SPATA18: variants seen among roughly 807,000 people sequenced by gnomAD.
SPATA18 encodes mitochondria-eating protein.
Under a neutral mutation model 68.1 loss-of-function variants are expected in SPATA18, and 54 were observed. That is an observed-to-expected ratio of 0.79 (90% CI 0.64 to 0.99). SPATA18 has a LOEUF of 0.99. SPATA18 is among the 50% of genes least tolerant of loss of function. The pLI is 0.00. For missense variants in SPATA18, 724 were observed against 681.1 expected, an observed-to-expected ratio of 1.06 and a Z score of -0.70; for synonymous variants, 242 against 244.8, an observed-to-expected ratio of 0.99 and a Z score of 0.11.
At chr4:52,061,489 AT>A (rs1265774296) in intron 3 of SPATA18, among the ~76,000 whole-genome samples, 3 of 61,804 alleles carry the variant, frequency 4.9e-5, no homozygotes, top group Non-Finnish European at 7.9e-5. Flanking sequence ...TAAAGTAAAA[AT>A]AATAATAATA....
chr4:52,061,038 G>T (rs1231161909), intron 3 of SPATA18, 141 bp downstream of exon 3: 3 of 690,086 alleles, frequency 4.3e-6, no homozygotes, highest in Non-Finnish European at 7.3e-6. Flanking sequence ...GGTTTCCATG[G>T]GACGGTGTTA....
intron 3 of SPATA18, among the ~76,000 whole-genome samples, chr4:52,061,674 C>T (rs1390705259): frequency 6.6e-6 from 1 of 151,876 alleles, no homozygotes; most frequent in African/African-American, 2.4e-5. Context: ...TTCTTATTTG[C>T]TGAATGGAGA....
chr4:52,082,633 G>A (rs1256858167), intron 10 of SPATA18, 123 bp downstream of exon 10: 2 of 1,575,008 alleles, frequency 1.3e-6, no homozygotes, highest in Non-Finnish European at 1.7e-6. Flanking sequence ...TTCATACAAA[G>A]GAGAGGTCGG....
At position 52,094,999 on chromosome 4, in the gene SPATA18, C is replaced by A; in HGVS notation, c.*112C>A. 1 of 1,322,566 alleles carries A rather than the reference C, an allele frequency of 7.6e-7. No homozygotes were observed. Among genetic ancestry groups the A allele is most frequent in the Non-Finnish European group, 1.1e-6 (1 of 916,904 alleles). 81.9% of individuals were successfully genotyped at this position (1,322,566 alleles called of 1,614,324 possible). On this transcript the variant is annotated 3_prime_UTR_variant, in exon 13 of 13. Coordinates refer to ENST00000295213, the MANE Select transcript of SPATA18 (RefSeq NM_145263.4). Reference sequence around the variant, plus strand: ...CCTCACTTAAGATAATGTCAAAAGGCAATTCTGTGTATCACCCCACACAGA... The same window carrying A: ...CCTCACTTAAGATAATGTCAAAAGGAAATTCTGTGTATCACCCCACACAGA...
At position 52,096,619 on chromosome 4, in the gene SPATA18, T is replaced by G. The variant is rs1376060969; in HGVS notation, c.*1732T>G. On this transcript the variant is annotated 3_prime_UTR_variant, in exon 13 of 13. Coordinates refer to ENST00000295213, the MANE Select transcript of SPATA18 (RefSeq NM_145263.4). ...GTATAACCACCCTAGAAGATAAAATTAAGTCATTAGATGGCTGAACCTGCA... is the reference window on the plus strand; with the variant it reads ...GTATAACCACCCTAGAAGATAAAATGAAGTCATTAGATGGCTGAACCTGCA... The G allele has an allele frequency of 4.6e-5, 7 of 152,052 alleles. No homozygotes were observed. Among genetic ancestry groups the G allele is most frequent in the Non-Finnish European group, 1.0e-4 (7 of 68,004 alleles). 9.4% of individuals were successfully genotyped at this position (152,052 alleles called of 1,614,324 possible).
intron 9 of SPATA18, 86 bp downstream of exon 9, chr4:52,080,005 C>A: frequency 7.1e-7 from 1 of 1,413,050 alleles, no homozygotes; most frequent in Non-Finnish European, 9.6e-7. Flanking sequence ...AGGAAAAGAA[C>A]TCTGGGTGGA....
rs1016897215 is a variant in SPATA18, at chr4:52,096,675, A to G, written c.*1788A>G. ...AGCCACCAGCTACAAATGAAAATCA[A>G]TGTGTGTATTGGCAACAGAAAATCA... On this transcript the variant is annotated 3_prime_UTR_variant, in exon 13 of 13. Coordinates refer to ENST00000295213, the MANE Select transcript of SPATA18 (RefSeq NM_145263.4). The G allele has an allele frequency of 3.3e-5, 5 of 152,022 alleles. No homozygotes were observed. The highest frequency in any genetic ancestry group is 7.2e-5 in the African/African-American group (3 of 41,384). The allele number at this position is 152,022 out of a possible 1,614,324, so 9.4% of individuals were successfully genotyped here.
chr4:52,067,045 T>G (rs1304051013), intron 4 of SPATA18, among the ~76,000 whole-genome samples: 1 of 152,198 alleles, frequency 6.6e-6, no homozygotes. Flanking sequence ...TCAAATGGTA[T>G]TTCGGTTCTA....
rs1299856048 is a variant in SPATA18 at position 52,077,033 on chromosome 4, C to T, written c.1013C>T (p.Ala338Val). The change falls in exon 7 of 13, where the codon GCC (alanine) becomes GTC (valine). Residue 338 changes from alanine (A) to valine (V), a missense_variant. Physicochemically the swap from Ala to Val is moderately conservative, Grantham distance 64. Transcript: ENST00000295213. ...ACCGTTCAGCGGATCATCTACATCG[C>T]CACAGTGGTATGTGACGCCTGCGGG... ...AETVQRIIYI[A>V]TVEAFHVAKM... 2 of 1,602,588 alleles carry T rather than the reference C, an allele frequency of 1.2e-6. No individual in the cohort carries two copies. Among genetic ancestry groups the T allele is most frequent in the African/African-American group, 1.3e-5 (1 of 74,758 alleles).
intron 1 of SPATA18, among the ~76,000 whole-genome samples, chr4:52,052,256 A>G (rs1410369010): frequency 6.6e-6 from 1 of 152,144 alleles, no homozygotes; most frequent in Non-Finnish European, 1.5e-5. Flanking sequence ...GTATAAACAC[A>G]CACCCAGGAG....
intron 1 of SPATA18, among the ~76,000 whole-genome samples, chr4:52,054,798 T>G (rs1196849613): frequency 1.3e-5 from 2 of 151,298 alleles, no homozygotes; most frequent in Admixed American, 1.3e-4. Context: ...TTAGTCAGAG[T>G]CTGGTGGTCA....
intron 1 of SPATA18, among the ~76,000 whole-genome samples, chr4:52,058,607 C>G (rs1738556343): frequency 6.6e-6 from 1 of 152,120 alleles, no homozygotes; most frequent in Admixed American, 6.5e-5. Context: ...AGCTCTTTCC[C>G]TAGTGGTGTG....
chr4:52,066,803 C>T (rs1430367929), intron 4 of SPATA18, among the ~76,000 whole-genome samples: 2 of 152,152 alleles, frequency 1.3e-5, no homozygotes, highest in African/African-American at 4.8e-5. Flanking sequence ...TGGCTTCTAG[C>T]TTCATCCATC....
At chr4:52,063,809 C>T (rs1252929550) in intron 4 of SPATA18, among the ~76,000 whole-genome samples, 3 of 152,076 alleles carry the variant, frequency 2.0e-5, no homozygotes, top group African/African-American at 4.8e-5. Context: ...ACTAGTGTCT[C>T]GTGCTGATGG....
intron 11 of SPATA18, among the ~76,000 whole-genome samples, chr4:52,085,783 C>G (rs1376499157): frequency 1.3e-5 from 2 of 152,020 alleles, no homozygotes; most frequent in Admixed American, 1.3e-4. Context: ...GTGGCATGTG[C>G]CTGTAGTCCC....
At position 52,060,791 on chromosome 4, in the gene SPATA18, A is replaced by T. The variant is rs1256760735; in HGVS notation, c.203A>T (p.Asn68Ile). 1 of 1,613,808 alleles carries T rather than the reference A, an allele frequency of 6.2e-7. No individual in the cohort carries two copies. Among genetic ancestry groups the T allele is most frequent in the East Asian group, 2.2e-5 (1 of 44,878 alleles). The change falls in exon 3 of 13, where the codon AAT (asparagine) becomes ATT (isoleucine). Residue 68 changes from asparagine (N) to isoleucine (I), a missense_variant. Physicochemically the swap from Asn to Ile is moderately radical, Grantham distance 149. Coordinates refer to ENST00000295213, the MANE Select transcript of SPATA18 (RefSeq NM_145263.4). ...LTAAAQEGGR[N>I]DGVETIKSRL... The stretch of plus-strand genomic sequence containing the variant: ...TCATTTAACATTTTAGGAGGACGTA[A>T]TGATGGTGTGGAAACAATCAAGTCA...
intron 10 of SPATA18, among the ~76,000 whole-genome samples, chr4:52,083,843 C>T (rs10020350): frequency 0.13 from 19,992 of 150,380 alleles, 1,460 homozygotes; most frequent in South Asian, 0.28. Flanking sequence ...CAGGTTCAAG[C>T]GATTCTCCTG....
chr4:52,075,839 G>A (rs1740291468), intron 6 of SPATA18, among the ~76,000 whole-genome samples: 1 of 152,158 alleles, frequency 6.6e-6, no homozygotes, highest in African/African-American at 2.4e-5. Context: ...AGCTTCATCT[G>A]CCCAAGCTTG....
At chr4:52,070,331 A>T (rs951471528) in intron 5 of SPATA18, among the ~76,000 whole-genome samples, 10 of 152,146 alleles carry the variant, frequency 6.6e-5, no homozygotes, top group African/African-American at 2.2e-4. Context: ...ATGTTCCATC[A>T]TTTGGGGATT....
Sources: allele counts gnomAD v4.1 joint callset (sites outside exome capture counted in the v4.1 genomes callset), GRCh38; gene constraint gnomAD v4.1.1; transcripts MANE v1.5; gene names NCBI Gene and HGNC (gene_info 2026-07-23, HGNC 2026-07-21).